Variants in CRB2 observed in about 807,000 individuals in gnomAD.
The protein encoded by CRB2 is protein crumbs homolog 2.
In CRB2, 85 loss-of-function variants were observed where a neutral mutation model predicts 110.9. The observed-to-expected ratio is 0.77, with a 90% CI of 0.64 to 0.92. The LOEUF is 0.92. Among genes scored for constraint, CRB2 ranks in the 40% least tolerant of loss-of-function variants. The pLI is 0.00. For missense variants in CRB2, 1,843 were observed against 1,851.3 expected, an observed-to-expected ratio of 1.00 and a Z score of 0.08; for synonymous variants, 907 against 831.0, an observed-to-expected ratio of 1.09 and a Z score of -1.57.
At chr9:123,379,454 G>A (rs966380432), downstream of CRB2, among the ~76,000 whole-genome samples, 7 of 152,202 alleles carry the variant, frequency 4.6e-5, no homozygotes, top group Admixed American at 1.3e-4. Context: ...GCCCAACCCC[G>A]TGCCTGGTCT....
Position 123,367,245 on chromosome 9 carries a change from C to T in CRB2, c.828C>T (p.Cys276=). The change falls in exon 5 of 13, where the codon TGC becomes TGT. Residue 276 remains cysteine (C), a synonymous_variant. Transcript: ENST00000373631. ...GCCCCTGCCAGCATGGGGGCCGATG[C>T]CTGCAGCGCTCTGACCCGGCCCTCT... The part of the protein sequence containing the change: ...ASSPCQHGGR[C]LQRSDPALYG... 1 of 1,597,122 alleles carries T rather than the reference C, an allele frequency of 6.3e-7. No homozygotes were observed. Among genetic ancestry groups the T allele is most frequent in the Non-Finnish European group, 8.5e-7 (1 of 1,177,356 alleles).
chr9:123,373,309 T>A lies in CRB2; in HGVS notation c.2778T>A (p.Asn926Lys). Residue 926 changes from asparagine to lysine, a missense_variant, in exon 10 of 13, where the codon AAT becomes AAA. Asn to Lys is a moderately conservative substitution (Grantham distance 94, BLOSUM62 0). Coordinates refer to ENST00000373631, the MANE Select transcript of CRB2 (RefSeq NM_173689.7). ...AAGGCGTGTGGCTGGCGGTGCGCAA[T>A]GGCTCGCTGGCGGGGGGCGTGCGCG... ...ALEGVWLAVR[N>K]GSLAGGVRGG... The A allele has an allele frequency of 1.4e-6, 2 of 1,462,340 alleles. No homozygotes were observed. The highest frequency in any genetic ancestry group is 1.8e-6 in the Non-Finnish European group (2 of 1,116,164). The allele number at this position is 1,462,340 out of a possible 1,614,324, so 90.6% of individuals were successfully genotyped here.
In CRB2 at chr9:123,377,534, A is replaced by T. The variant is rs2130792196; in HGVS notation, c.*472A>T. On this transcript the variant is annotated 3_prime_UTR_variant, in exon 13 of 13. Coordinates refer to ENST00000373631, the MANE Select transcript of CRB2 (RefSeq NM_173689.7). ...CGGCTGCGCCATGGGGTCAACCATT[A>T]CAGTCCTAGGGCAGGGGCGGCCCAA... 6.5e-6 allele frequency: 1 copy of T among 154,026 alleles called. No homozygotes were observed. The highest frequency in any genetic ancestry group is 2.4e-5 in the African/African-American group (1 of 41,644). The allele number at this position is 154,026 out of a possible 1,614,324, so 9.5% of individuals were successfully genotyped here. A position where few individuals can be genotyped will look rare whatever the true frequency, so the allele number is the denominator to read the frequency against.
At chr9:123,376,276 A>T (rs1048536012) in intron 12 of CRB2, among the ~76,000 whole-genome samples, 2 of 152,210 alleles carry the variant, frequency 1.3e-5, no homozygotes, top group Non-Finnish European at 2.9e-5. Context: ...GAATCCTCGC[A>T]TCCTGGGACT....
rs915120127 is a variant in CRB2 at position 123,373,713 on chromosome 9, C to T, written c.3182C>T (p.Ala1061Val). The T allele has an allele frequency of 5.3e-6, 8 of 1,521,936 alleles. No individual in the cohort carries two copies. Among genetic ancestry groups the T allele is most frequent in the African/African-American group, 4.3e-5 (3 of 69,492 alleles). The allele number at this position is 1,521,936 out of a possible 1,614,324, so 94.3% of individuals were successfully genotyped here. ...ILGCRGAPVC[A>V]PSPCLHDGAC... Reference sequence around the variant, plus strand: ...GGCTGCCGCGGCGCGCCCGTGTGTGCGCCCTCGCCCTGTCTGCACGACGGT... The same window carrying T: ...GGCTGCCGCGGCGCGCCCGTGTGTGTGCCCTCGCCCTGTCTGCACGACGGT... Residue 1061 changes from alanine (A) to valine (V), a missense_variant, in exon 10 of 13, where the codon GCG becomes GTG. Coordinates refer to ENST00000373631, the MANE Select transcript of CRB2 (RefSeq NM_173689.7).
intron 2 of CRB2, among the ~76,000 whole-genome samples, chr9:123,364,551 T>G: frequency 2.3e-5 from 3 of 130,130 alleles, no homozygotes; most frequent in African/African-American, 2.9e-5. Flanking sequence ...GCACAGAGGG[T>G]GGGAGTGGGG....
upstream of CRB2, among the ~76,000 whole-genome samples, chr9:123,355,966 G>A (rs996309936): frequency 1.3e-5 from 2 of 152,110 alleles, no homozygotes; most frequent in Admixed American, 6.5e-5. Flanking sequence ...TGACCTGAGA[G>A]GTGGGAGGAG....
upstream of CRB2, among the ~76,000 whole-genome samples, chr9:123,354,394 C>T (rs894013908): frequency 1.3e-5 from 2 of 152,266 alleles, no homozygotes; most frequent in Admixed American, 1.3e-4. Context: ...GTGCTCCCCC[C>T]AGCCCCCCAT....
At position 123,374,685 on chromosome 9, in the gene CRB2, G is replaced by A. The variant is rs1476885899; in HGVS notation, c.3496G>A (p.Ala1166Thr). Residue 1166 changes from alanine (A) to threonine (T), a missense_variant, in exon 11 of 13, where the codon GCT becomes ACT. By Grantham distance (58) the Ala-to-Thr change is moderately conservative. Transcript: ENST00000373631. Reference protein sequence around the residue: ...AANCSCLEGLAGQRCQVPTLP... With the variant: ...AANCSCLEGLTGQRCQVPTLP... Reference sequence around the variant, plus strand: ...CAACTGCAGCTGCCTGGAGGGTCTTGCTGGCCAGAGGTGGGTCTGGGGGCC... The same window carrying A: ...CAACTGCAGCTGCCTGGAGGGTCTTACTGGCCAGAGGTGGGTCTGGGGGCC... 6.2e-7 allele frequency: 1 copy of A among 1,609,150 alleles called. No homozygotes were observed. The highest frequency in any genetic ancestry group is 1.3e-5 in the African/African-American group (1 of 74,932).
intron 10 of CRB2, 132 bp from the exon 11 acceptor site, chr9:123,374,446 AT>A: frequency 1.5e-6 from 1 of 681,926 alleles, no homozygotes; most frequent in African/African-American, 1.8e-5. Flanking sequence ...AGGGACCTCA[AT>A]CCCATGCCCA....
At chr9:123,367,421 A>ACCCCCCCCCCCCCCCCCCCCCCCCCC in intron 5 of CRB2, 64 bp downstream of exon 5, 1 of 600,974 alleles carries the variant, frequency 1.7e-6, no homozygotes, top group South Asian at 2.6e-5. Context: ...TCTTGTGCCC[A>ACCCCCCCCCCCCCCCCCCCCCCCCCC]CCCCCCCACC....
intron 6 of CRB2, among the ~76,000 whole-genome samples, 176 bp downstream of exon 6, chr9:123,367,862 C>CTGGG (rs1325667545): frequency 6.6e-6 from 1 of 152,048 alleles, no homozygotes. Context: ...GGAGGTGAGA[C>CTGGG]TGGGGCTCAG....
At chr9:123,360,881 T>C (rs1266445757) in intron 1 of CRB2, among the ~76,000 whole-genome samples, 1 of 152,156 alleles carries the variant, frequency 6.6e-6, no homozygotes, top group Non-Finnish European at 1.5e-5. Context: ...TGTGGCACTA[T>C]TGCATGCCTC....
rs1444024971 is a variant in CRB2, at chr9:123,373,318, G to GGCGGGGGGCGTGC, written c.2792_2804dup (p.His937ArgfsTer60). ...GGCTGGCGGTGCGCAATGGCTCGCT[G>GGCGGGGGGCGTGC]GCGGGGGGCGTGCGCGGAGGCCATG... On this transcript the variant is annotated frameshift_variant, in exon 10 of 13. Transcript: ENST00000373631. LOFTEE classifies it high-confidence loss of function. The GGCGGGGGGCGTGC allele has an allele frequency of 1.4e-6, 2 of 1,451,620 alleles. No homozygotes were observed. Among genetic ancestry groups the GGCGGGGGGCGTGC allele is most frequent in the African/African-American group, 3.0e-5 (2 of 67,032 alleles). 89.9% of individuals were successfully genotyped at this position (1,451,620 alleles called of 1,614,324 possible). A position where few individuals can be genotyped will look rare whatever the true frequency, so the allele number is the denominator to read the frequency against.
intron 10 of CRB2, 99 bp downstream of exon 10, chr9:123,374,019 C>CTG: frequency 7.0e-7 from 1 of 1,423,770 alleles, no homozygotes; most frequent in Non-Finnish European, 9.7e-7. Context: ...CTTCCCTTCC[C>CTG]TGGTCCTCAT....
At position 123,370,097 on chromosome 9, in the gene CRB2, C is replaced by T; in HGVS notation, c.1055-11C>T. On this transcript the variant is annotated splice_polypyrimidine_tract_variant and intron_variant, in intron 6 of 12. Transcript: ENST00000373631. Reference sequence around the variant, plus strand: ...AGACATTACTGAACCTTGGCTTTGTCTCTCCCAAAGGGCCGACATGTGAGG... The same window carrying T: ...AGACATTACTGAACCTTGGCTTTGTTTCTCCCAAAGGGCCGACATGTGAGG... 2 of 1,567,676 alleles carry T rather than the reference C, an allele frequency of 1.3e-6. No homozygotes were observed. The highest frequency in any genetic ancestry group is 1.7e-6 in the Non-Finnish European group (2 of 1,155,300).
Position 123,367,368 on chromosome 9 carries a change from G to A in CRB2, c.940+11G>A. On this transcript the variant is annotated intron_variant, in intron 5 of 12. Coordinates refer to ENST00000373631, the MANE Select transcript of CRB2 (RefSeq NM_173689.7). ...CTCCTGGCTTTGAGGGTGAGCCCCT[G>A]CTGGGGAAGCGGTCAGCCCATGTCC... The A allele has an allele frequency of 1.9e-6, 3 of 1,595,828 alleles. No individual in the cohort carries two copies. The highest frequency in any genetic ancestry group is 2.2e-5 in the East Asian group (1 of 44,792).
Position 123,363,008 on chromosome 9 carries a change from GCT to G in CRB2, c.241_242del (p.Leu81ValfsTer30), listed in dbSNP as rs1235616679. 1 of 1,612,334 alleles carries G rather than the reference GCT, an allele frequency of 6.2e-7. No individual in the cohort carries two copies. Among genetic ancestry groups the G allele is most frequent in the African/African-American group, 1.3e-5 (1 of 74,908 alleles). On this transcript the variant is annotated frameshift_variant, in exon 2 of 13. Coordinates refer to ENST00000373631, the MANE Select transcript of CRB2 (RefSeq NM_173689.7). LOFTEE classifies it high-confidence loss of function. ...TGCCACCCAGCCATGCCACCACGGC[GCT>G]CTGTGTGTGCCCCAGGGTCCAGATC... ...GCATQPCHHG[A>X]LCVPQGPDPT... is the part of the protein sequence containing the mutation.
At chr9:123,366,198 G>C in intron 3 of CRB2, 29 bp from the exon 4 acceptor site, 2 of 1,394,346 alleles carry the variant, frequency 1.4e-6, no homozygotes, top group Non-Finnish European at 1.8e-6. Context: ...GCAGGCGCGC[G>C]CTCAGCTCCG....
Sources: allele counts gnomAD v4.1 joint callset (sites outside exome capture counted in the v4.1 genomes callset), GRCh38; gene constraint gnomAD v4.1.1; transcripts MANE v1.5; gene names NCBI Gene and HGNC (gene_info 2026-07-23, HGNC 2026-07-21).